The following AP2B1 variants were observed in gnomAD, a reference collection of about 807,000 sequenced individuals.
The protein encoded by AP2B1 is adaptor related protein complex 2 subunit beta 1, also known as AP-2 complex subunit beta.
A neutral mutation model predicts 102.0 loss-of-function variants in AP2B1; 23 were observed. The observed-to-expected ratio is 0.23, with a 90% confidence interval of 0.16 to 0.32. AP2B1 has a LOEUF of 0.32. Ranked by LOEUF, AP2B1 falls within the 10% of genes least tolerant of loss-of-function variation. The pLI is 1.00. For missense variants in AP2B1, 541 were observed against 1,157.4 expected (o/e 0.47, Z 7.73); for synonymous variants, 381 against 421.2 (o/e 0.90, Z 1.17).
intron 17 of AP2B1, among the ~76,000 whole-genome samples, chr17:35,677,779 A>G (rs563464897): frequency 4.9e-4 from 74 of 151,970 alleles, no homozygotes; most frequent in Non-Finnish European, 8.5e-4. Flanking sequence ...TTCTTTTTGC[A>G]ATGTTTTATA....
intron 9 of AP2B1, among the ~76,000 whole-genome samples, chr17:35,628,098 A>G (rs1451073280): frequency 6.6e-6 from 1 of 152,244 alleles, no homozygotes; most frequent in East Asian, 1.9e-4. Flanking sequence ...TTCCTTAAAA[A>G]TATAACAATT....
intron 5 of AP2B1, among the ~76,000 whole-genome samples, chr17:35,613,257 A>G (rs1231099615): frequency 1.3e-5 from 2 of 150,376 alleles, no homozygotes; most frequent in East Asian, 3.9e-4. Flanking sequence ...AAAGCACTAG[A>G]ATATCTGCAG....
rs1419700805 is a variant in AP2B1, at chr17:35,612,548, G to A, written c.525+4161G>A. ...GTCATTAGAACACTTAAATTTAAGT[G>A]CCTTCTATGCCATGCACAGTGGTAG... is the stretch of plus-strand genomic sequence containing the variant. On this transcript the variant is annotated intron_variant, in intron 5 of 21. Coordinates refer to ENST00000610402, the MANE Select transcript of AP2B1 (RefSeq NM_001030006.2). Among the ~76,000 whole-genome samples, 5 of 152,112 alleles carry A rather than the reference G, an allele frequency of 3.3e-5. No homozygotes were observed. In the East Asian group the frequency reaches 9.6e-4, roughly 29 times the overall value.
intron 13 of AP2B1, 37 bp downstream of exon 13, chr17:35,650,826 C>A: frequency 6.2e-7 from 1 of 1,602,892 alleles, no homozygotes; most frequent in Non-Finnish European, 8.5e-7. Flanking sequence ...TGAGAAATGA[C>A]TCTTGTTTAG....
intron 9 of AP2B1, among the ~76,000 whole-genome samples, chr17:35,631,550 GT>G (rs2074461484): frequency 6.6e-6 from 1 of 150,690 alleles, no homozygotes; most frequent in Non-Finnish European, 1.5e-5. Context: ...TATTTACTTT[GT>G]TTTATCCTCT....
At chr17:35,596,862 G>C in intron 2 of AP2B1, 1 of 688,332 alleles carries the variant, frequency 1.5e-6, no homozygotes, top group African/African-American at 1.8e-5. Flanking sequence ...CCGCCCAGCA[G>C]GAAGAAGCCA....
chr17:35,597,083 C>T (rs976224895), intron 2 of AP2B1: 15 of 544,084 alleles, frequency 2.8e-5, no homozygotes, highest in African/African-American at 2.3e-4. Context: ...TGGGCGCCCC[C>T]GCTCCGGGGC....
chr17:35,680,170 A>G (rs2075787187), intron 17 of AP2B1, among the ~76,000 whole-genome samples: 3 of 152,246 alleles, frequency 2.0e-5, no homozygotes, highest in Admixed American at 6.5e-5. Flanking sequence ...GGCCTCCCAA[A>G]GTGCTGGGAT....
intron 5 of AP2B1, among the ~76,000 whole-genome samples, chr17:35,617,582 A>G (rs906573348): frequency 2.6e-5 from 4 of 152,338 alleles, no homozygotes; most frequent in Non-Finnish European, 5.9e-5. Context: ...ACTACTTACT[A>G]CTTTTACAAG....
At chr17:35,688,464 C>T (rs937232041) in intron 18 of AP2B1, among the ~76,000 whole-genome samples, 17 of 152,126 alleles carry the variant, frequency 1.1e-4, no homozygotes, top group African/African-American at 4.1e-4. Context: ...ACCCATCATG[C>T]TGGGTACTCA....
At chr17:35,718,768 T>C (rs960797231) in intron 21 of AP2B1, among the ~76,000 whole-genome samples, 1 of 140,128 alleles carries the variant, frequency 7.1e-6, no homozygotes, top group African/African-American at 2.6e-5. Context: ...GTGTGTGTGG[T>C]TTTTTTTTTT....
intron 5 of AP2B1, among the ~76,000 whole-genome samples, chr17:35,621,880 A>T (rs2074189256): frequency 6.6e-6 from 1 of 152,134 alleles, no homozygotes; most frequent in African/African-American, 2.4e-5. Context: ...TTTTTTAAAC[A>T]TGAAAAGGGT....
At chr17:35,653,481 G>T (rs1243716926) in intron 13 of AP2B1, among the ~76,000 whole-genome samples, 1 of 152,020 alleles carries the variant, frequency 6.6e-6, no homozygotes, top group Admixed American at 6.6e-5. Flanking sequence ...TGTTTGTTTT[G>T]TTTTGTTTTT....
At chr17:35,640,849 G>A (rs2074759119) in intron 11 of AP2B1, among the ~76,000 whole-genome samples, 2 of 152,138 alleles carry the variant, frequency 1.3e-5, no homozygotes, top group Admixed American at 1.3e-4. Flanking sequence ...AATGGCTGTG[G>A]CTCATTACAG....
chr17:35,657,392 T>C (rs2142876926), intron 13 of AP2B1, among the ~76,000 whole-genome samples: 1 of 152,310 alleles, frequency 6.6e-6, no homozygotes, highest in Admixed American at 6.5e-5. Context: ...ATATAATTTA[T>C]TTTCATTTTA....
Position 35,674,167 on chromosome 17 carries a change from G to A in AP2B1, c.2179-9G>A, listed in dbSNP as rs1170954949. The A allele has an allele frequency of 3.1e-6, 5 of 1,613,838 alleles. No individual in the cohort carries two copies. The highest frequency in any genetic ancestry group is 4.2e-6 in the Non-Finnish European group (5 of 1,179,810). The stretch of plus-strand genomic sequence containing the variant: ...GTCTGATTCTATTGAGCTTTATACT[G>A]TGTTTCAGGTCTGGCTACCTGCAGT... On this transcript the variant is annotated splice_polypyrimidine_tract_variant and intron_variant, in intron 16 of 21. Coordinates refer to ENST00000610402, the MANE Select transcript of AP2B1 (RefSeq NM_001030006.2).
At chr17:35,698,592 C>T (rs927622132) in intron 18 of AP2B1, among the ~76,000 whole-genome samples, 3 of 152,196 alleles carry the variant, frequency 2.0e-5, no homozygotes, top group Non-Finnish European at 4.4e-5. Flanking sequence ...GGATCACAGA[C>T]AGGTGTGAGC....
Position 35,605,836 on chromosome 17 carries a change from T to C in AP2B1, c.275T>C (p.Val92Ala). The C allele has an allele frequency of 6.2e-7, 1 of 1,608,618 alleles. No individual in the cohort carries two copies. The highest frequency in any genetic ancestry group is 8.5e-7 in the Non-Finnish European group (1 of 1,178,384). The change falls in exon 4 of 22, where the codon GTG becomes GCG. Residue 92 changes from valine to alanine, a missense_variant. Coordinates refer to ENST00000610402, the MANE Select transcript of AP2B1 (RefSeq NM_001030006.2). ...GCCATCATGGCTGTAAACAGCTTTG[T>C]GAAGGTAACTTTTCCCAAGGCCTCA... ...DMAIMAVNSF[V>A]KDCEDPNPLI...
At chr17:35,635,970 T>C (rs1598122609) in intron 9 of AP2B1, among the ~76,000 whole-genome samples, 1 of 151,290 alleles carries the variant, frequency 6.6e-6, no homozygotes, top group Non-Finnish European at 1.5e-5. Context: ...ATTACAGGCA[T>C]GTGCCATCAC....
Sources: gnomAD v4.1 joint callset for allele counts (sites outside exome capture counted in the v4.1 genomes callset) on GRCh38, gnomAD v4.1.1 for gene constraint, MANE v1.5 for transcripts, NCBI Gene and HGNC (gene_info 2026-07-23, HGNC 2026-07-21) for gene names.